Variants in AK9 observed in about 807,000 individuals in gnomAD.
The protein encoded by AK9 is adenylate kinase domain containing 1.
A neutral mutation model predicts 239.6 loss-of-function variants in AK9; 191 were observed. The observed-to-expected ratio is 0.80, with a 90% confidence interval of 0.71 to 0.90. AK9 has a LOEUF of 0.90. AK9 is among the 40% of genes least tolerant of loss of function. The pLI, the probability that AK9 is intolerant of heterozygous loss-of-function variation, is 0.00. For missense variants in AK9, 1,995 were observed against 2,214.7 expected (o/e 0.90, Z 1.99); for synonymous variants, 689 against 721.0 (o/e 0.96, Z 0.71).
At chr6:109,589,241 T>C (rs1474086821) in intron 17 of AK9, among the ~76,000 whole-genome samples, 1 of 152,194 alleles carries the variant, frequency 6.6e-6, no homozygotes, top group Non-Finnish European at 1.5e-5. Context: ...TTGTGTTATA[T>C]ATGGTTTCTT....
At chr6:109,534,525 G>A (rs1781715440) in intron 27 of AK9, among the ~76,000 whole-genome samples, 1 of 150,454 alleles carries the variant, frequency 6.6e-6, no homozygotes, top group Non-Finnish European at 1.5e-5. Flanking sequence ...AGCCTTCAAA[G>A]TTGTTAATTC....
intron 17 of AK9, among the ~76,000 whole-genome samples, chr6:109,589,744 G>A (rs1469842375): frequency 3.3e-5 from 5 of 152,050 alleles, no homozygotes; most frequent in Non-Finnish European, 4.4e-5. Context: ...TTCCTTCTAT[G>A]CCTAGTTGGG....
intron 36 of AK9, 69 bp from the exon 37 acceptor site, chr6:109,498,034 G>A (rs760762969): frequency 7.9e-6 from 12 of 1,511,796 alleles, no homozygotes; most frequent in Admixed American, 1.7e-5. Context: ...GAAGGCCACC[G>A]AGGCTCTCCT....
At chr6:109,670,437 A>G (rs1770684041) in intron 5 of AK9, among the ~76,000 whole-genome samples, 1 of 152,012 alleles carries the variant, frequency 6.6e-6, no homozygotes, top group African/African-American at 2.4e-5. Flanking sequence ...AGATGAAACG[A>G]GATTAGACTA....
intron 1 of AK9, among the ~76,000 whole-genome samples, chr6:109,684,401 A>T (rs552043757): frequency 1.6e-4 from 24 of 152,324 alleles, no homozygotes; most frequent in African/African-American, 5.1e-4. Flanking sequence ...GACAAATGGG[A>T]TCTAATTAAA....
At chr6:109,544,915 A>C (rs897691808) in intron 26 of AK9, among the ~76,000 whole-genome samples, 1 of 152,204 alleles carries the variant, frequency 6.6e-6, no homozygotes, top group Non-Finnish European at 1.5e-5. Context: ...CATACTTCCA[A>C]ATAAATGCTA....
At chr6:109,654,129 G>A (rs1354441079) in intron 8 of AK9, among the ~76,000 whole-genome samples, 3 of 151,870 alleles carry the variant, frequency 2.0e-5, no homozygotes, top group Non-Finnish European at 4.4e-5. Flanking sequence ...GCTTTTAGAA[G>A]GTCTTTATTA....
At chr6:109,495,196 C>T (rs1375215324) in intron 39 of AK9, 142 bp downstream of exon 39, 3 of 628,668 alleles carry the variant, frequency 4.8e-6, no homozygotes, top group Non-Finnish European at 7.5e-6. Context: ...TACATATAAA[C>T]AAAATAGGCT....
intron 21 of AK9, among the ~76,000 whole-genome samples, chr6:109,569,413 A>G (rs1461270875): frequency 6.6e-6 from 1 of 152,236 alleles, no homozygotes; most frequent in Non-Finnish European, 1.5e-5. Flanking sequence ...TGGCAACAAA[A>G]GCCAAACTTG....
chr6:109,569,183 G>A (rs1787026877), intron 21 of AK9, among the ~76,000 whole-genome samples: 2 of 152,174 alleles, frequency 1.3e-5, no homozygotes, highest in Admixed American at 1.3e-4. Flanking sequence ...ATGGGGAAAG[G>A]ATTCCCTATT....
chr6:109,533,738 ATT>A (rs1436341644), intron 27 of AK9, among the ~76,000 whole-genome samples: 1 of 152,054 alleles, frequency 6.6e-6, no homozygotes, highest in Non-Finnish European at 1.5e-5. Flanking sequence ...TATATGTGAC[ATT>A]TCTTTTTCAA....
intron 1 of AK9, among the ~76,000 whole-genome samples, chr6:109,680,987 A>G (rs1772542971): frequency 6.6e-6 from 1 of 152,216 alleles, no homozygotes. Context: ...CCAGCCACTG[A>G]AAAACATACC....
chr6:109,540,343 G>A (rs1410621924), intron 27 of AK9, among the ~76,000 whole-genome samples: 2 of 152,190 alleles, frequency 1.3e-5, no homozygotes, highest in Non-Finnish European at 1.5e-5. Context: ...GTTGCAATTT[G>A]ATCTCAGACT....
chr6:109,614,539 G>C lies in AK9; in HGVS notation c.1400-59C>G, dbSNP rs137941243. 6.0e-4 allele frequency: 831 copies of C among 1,388,430 alleles called. 2 individuals carry two copies. The African/African-American group carries it at 0.011, about 18-fold the overall frequency. 86.0% of individuals were successfully genotyped at this position (1,388,430 alleles called of 1,614,324 possible). A position where few individuals can be genotyped will look rare whatever the true frequency, so the allele number is the denominator to read the frequency against. On this transcript the variant is annotated intron_variant, in intron 13 of 40. Transcript: ENST00000424296. The stretch of plus-strand genomic sequence containing the variant: ...GTAGTTGGGGATAGAAAAACAGGTA[G>C]AGTGACCAAAAGCCCCTGCTTCAAA...
chr6:109,497,883 A>G lies in AK9; in HGVS notation c.5129T>C (p.Leu1710Pro), dbSNP rs1461258594. Residue 1710 changes from leucine (L) to proline (P), a missense_variant, in exon 37 of 41, where the codon CTG becomes CCG. Physicochemically the swap from Leu to Pro is moderately conservative, Grantham distance 98. Coordinates refer to ENST00000424296, the MANE Select transcript of AK9 (RefSeq NM_001145128.3). ...LPSADMIPKRLTLSELKSRFP... is the reference protein window; with the variant it reads ...LPSADMIPKRPTLSELKSRFP... ...TCGACTCTTCAGCTCTGACAGTGTC[A>G]GTCTTTTGGGGATCATGTCAGCAGA... The G allele has an allele frequency of 6.2e-7, 1 of 1,613,944 alleles. No individual in the cohort carries two copies. Among genetic ancestry groups the G allele is most frequent in the Non-Finnish European group, 8.5e-7 (1 of 1,179,964 alleles).
intron 17 of AK9, among the ~76,000 whole-genome samples, chr6:109,592,744 C>A (rs905190431): frequency 4.0e-5 from 6 of 150,924 alleles, no homozygotes; most frequent in African/African-American, 1.5e-4. Context: ...CCGTGCCCAG[C>A]GGGATTTTTT....
intron 17 of AK9, among the ~76,000 whole-genome samples, chr6:109,601,582 A>G (rs1489545522): frequency 1.3e-5 from 2 of 152,160 alleles, no homozygotes; most frequent in African/African-American, 4.8e-5. Context: ...AGTTCTGTAG[A>G]TGTCTATTAG....
intron 26 of AK9, among the ~76,000 whole-genome samples, chr6:109,543,257 A>T (rs551851786): frequency 6.6e-6 from 1 of 152,272 alleles, no homozygotes; most frequent in East Asian, 1.9e-4. Flanking sequence ...TGAATAGCTA[A>T]GGTATGATAA....
At chr6:109,549,906 C>T (rs922602005) in intron 25 of AK9, 184 bp downstream of exon 25, 17 of 508,838 alleles carry the variant, frequency 3.3e-5, no homozygotes, top group South Asian at 1.7e-4. Flanking sequence ...CCTCGTGATC[C>T]GCCCGTCTCG....
Sources: gnomAD v4.1 joint callset for allele counts (sites outside exome capture counted in the v4.1 genomes callset) on GRCh38, gnomAD v4.1.1 for gene constraint, MANE v1.5 for transcripts, NCBI Gene and HGNC (gene_info 2026-07-23, HGNC 2026-07-21) for gene names.